PPM1D: variants seen among roughly 807,000 people sequenced by gnomAD.
The protein encoded by PPM1D is protein phosphatase, Mg2+/Mn2+ dependent 1D.
Under a neutral mutation model 58.3 loss-of-function variants are expected in PPM1D, and 52 were observed. That is an observed-to-expected ratio of 0.89 (90% CI 0.71 to 1.12). PPM1D has a LOEUF of 1.12. Among genes scored for constraint, PPM1D ranks in the 50% most tolerant of loss-of-function variants. The pLI is 0.00. For missense variants in PPM1D, 564 were observed against 777.2 expected (o/e 0.73, Z 3.26); for synonymous variants, 278 against 285.1 (o/e 0.98, Z 0.25).
Position 60,663,297 on chromosome 17 carries a change from G to A in PPM1D, c.1563G>A (p.Met521Ile), listed in dbSNP as rs774404279. 1.4e-5 allele frequency: 22 copies of A among 1,614,176 alleles called. No homozygotes were observed. The highest frequency in any genetic ancestry group is 1.9e-5 in the Non-Finnish European group (22 of 1,180,028). Residue 521 changes from methionine (M) to isoleucine (I), a missense_variant, in exon 6 of 6, where the codon ATG (methionine) becomes ATA (isoleucine). Met to Ile is a conservative substitution (Grantham distance 10). Coordinates refer to ENST00000305921, the MANE Select transcript of PPM1D (RefSeq NM_003620.4). ...TGAAGATGTCAACTCCTGGCCAAAT[G>A]AAAGCCCAAGAAATTGAAAGAACCC... ...KNLKMSTPGQ[M>I]KAQEIERTPP...
At chr17:60,645,492 G>GTATATATATA (rs1555647632) in intron 3 of PPM1D, among the ~76,000 whole-genome samples, 8 of 132,092 alleles carry the variant, frequency 6.1e-5, no homozygotes, top group African/African-American at 2.5e-4. Context: ...GTGTGTGTGT[G>GTATATATATA]TATGTGTATA....
At chr17:60,610,783 G>T (rs2030438329) in intron 1 of PPM1D, among the ~76,000 whole-genome samples, 2 of 152,178 alleles carry the variant, frequency 1.3e-5, no homozygotes, top group Non-Finnish European at 2.9e-5. Context: ...CCCTGCTCTA[G>T]TGTACTAGGG....
At chr17:60,652,324 T>C (rs2031358710) in intron 4 of PPM1D, among the ~76,000 whole-genome samples, 1 of 152,148 alleles carries the variant, frequency 6.6e-6, no homozygotes, top group African/African-American at 2.4e-5. Flanking sequence ...TTTCATTCTT[T>C]TCTATGGCCG....
chr17:60,653,926 G>GT (rs749886113), intron 4 of PPM1D, among the ~76,000 whole-genome samples: 34 of 152,074 alleles, frequency 2.2e-4, no homozygotes, highest in Non-Finnish European at 4.6e-4. Flanking sequence ...CAGTTTTTTG[G>GT]TGGCGTCTTT....
At chr17:60,636,489 A>G (rs954221627) in intron 3 of PPM1D, among the ~76,000 whole-genome samples, 2 of 152,188 alleles carry the variant, frequency 1.3e-5, no homozygotes, top group African/African-American at 4.8e-5. Flanking sequence ...TGTGTTAGAA[A>G]TGCTACCAAG....
intron 3 of PPM1D, among the ~76,000 whole-genome samples, chr17:60,645,652 A>G (rs1423433784): frequency 9.9e-5 from 14 of 140,750 alleles, no homozygotes; most frequent in Non-Finnish European, 2.0e-4. Context: ...GTGTGTATAT[A>G]TATATATACA....
chr17:60,622,640 AT>A (rs1039707233), intron 1 of PPM1D, among the ~76,000 whole-genome samples: 7 of 152,228 alleles, frequency 4.6e-5, no homozygotes, highest in African/African-American at 1.7e-4. Context: ...AAAATGAGGA[AT>A]AAGTAAATAA....
chr17:60,636,559 G>C (rs1398004398), intron 3 of PPM1D, among the ~76,000 whole-genome samples: 1 of 152,180 alleles, frequency 6.6e-6, no homozygotes, highest in Non-Finnish European at 1.5e-5. Context: ...AAATGGGATG[G>C]TCAGAGGAGG....
At chr17:60,602,955 C>T (rs1039253725) in intron 1 of PPM1D, among the ~76,000 whole-genome samples, 15 of 152,104 alleles carry the variant, frequency 9.9e-5, no homozygotes, top group African/African-American at 2.9e-4. Context: ...TCAGCCTCTC[C>T]AGTAAATTAT....
intron 1 of PPM1D, 49 bp downstream of exon 1, chr17:60,600,935 G>C (rs2030195693): frequency 6.2e-7 from 1 of 1,609,856 alleles, no homozygotes; most frequent in Non-Finnish European, 8.5e-7. Context: ...AGGCAGTTCA[G>C]GGCTTTTATG....
chr17:60,639,672 A>C (rs1448497370), intron 3 of PPM1D, among the ~76,000 whole-genome samples: 2 of 152,204 alleles, frequency 1.3e-5, no homozygotes, highest in African/African-American at 4.8e-5. Context: ...TCCTGACCTC[A>C]GGTGATCCGC....
At chr17:60,623,039 C>T (rs576112023) in intron 1 of PPM1D, among the ~76,000 whole-genome samples, 3 of 152,250 alleles carry the variant, frequency 2.0e-5, no homozygotes, top group East Asian at 1.9e-4. Context: ...AGAGGTTGCA[C>T]TCCAGCCTGG....
rs551626995 is a variant in PPM1D at position 60,645,125 on chromosome 17, G to T, written c.827-2767G>T. On this transcript the variant is annotated intron_variant, in intron 3 of 5. Coordinates refer to ENST00000305921, the MANE Select transcript of PPM1D (RefSeq NM_003620.4). ...TCCTAGCACTTTGGGAAGCCTAGGTGTACAGATCACCTGAGGTCAGGAGTT... is the reference window on the plus strand; with the variant it reads ...TCCTAGCACTTTGGGAAGCCTAGGTTTACAGATCACCTGAGGTCAGGAGTT... Among the ~76,000 whole-genome samples, 4 of 152,264 alleles carry T rather than the reference G, an allele frequency of 2.6e-5. No individual in the cohort carries two copies. In the South Asian group the frequency reaches 8.3e-4, roughly 32 times the overall value.
intron 2 of PPM1D, among the ~76,000 whole-genome samples, chr17:60,630,763 G>A (rs1056377054): frequency 2.0e-5 from 3 of 152,146 alleles, no homozygotes; most frequent in South Asian, 2.1e-4. Context: ...AGAGCTGCTC[G>A]TCTAGTTATG....
intron 5 of PPM1D, among the ~76,000 whole-genome samples, chr17:60,659,795 G>T (rs1488684647): frequency 6.6e-6 from 1 of 152,170 alleles, no homozygotes; most frequent in African/African-American, 2.4e-5. Context: ...CTAAACAGTT[G>T]CCTGTGCTAA....
At chr17:60,603,098 A>T (rs1213118785) in intron 1 of PPM1D, among the ~76,000 whole-genome samples, 1 of 152,174 alleles carries the variant, frequency 6.6e-6, no homozygotes, top group Non-Finnish European at 1.5e-5. Context: ...CTCAAACAAA[A>T]ATATATCCAT....
Position 60,647,971 on chromosome 17 carries a change from C to T in PPM1D, c.906C>T (p.Asp302=), listed in dbSNP as rs1448018728. 2.5e-6 allele frequency: 4 copies of T among 1,613,688 alleles called. No homozygotes were observed. The East Asian group carries it at 6.7e-5, about 27-fold the overall frequency. ...CAGACACAAGTGTCCACACTCTTGACCCTCAGAAGCACAAGTATATTATAT... is the reference window on the plus strand; with the variant it reads ...CAGACACAAGTGTCCACACTCTTGATCCTCAGAAGCACAAGTATATTATAT... ...PEPDTSVHTL[D]PQKHKYIILG... is the part of the protein sequence containing the mutation. The change falls in exon 4 of 6, where the codon GAC becomes GAT. Residue 302 remains aspartate, a synonymous_variant. Coordinates refer to ENST00000305921, the MANE Select transcript of PPM1D (RefSeq NM_003620.4).
chr17:60,647,893 T>C lies in PPM1D; in HGVS notation c.828T>C (p.Gly276=). The C allele has an allele frequency of 6.2e-7, 1 of 1,609,486 alleles. No homozygotes were observed. Among genetic ancestry groups the C allele is most frequent in the South Asian group, 1.1e-5 (1 of 90,698 alleles). The stretch of plus-strand genomic sequence containing the variant: ...GCTTTTTCTGCTCCCTTCCCCCAGG[T>C]GATTTGTGGAGCTATGATTTCTTCA... ...IPFLAVARAL[G]DLWSYDFFSG... The change falls in exon 4 of 6, where the codon GGT becomes GGC. Residue 276 remains glycine, a splice_region_variant and synonymous_variant. Coordinates refer to ENST00000305921, the MANE Select transcript of PPM1D (RefSeq NM_003620.4).
At chr17:60,655,861 C>T (rs1309755066) in intron 4 of PPM1D, among the ~76,000 whole-genome samples, 1 of 151,628 alleles carries the variant, frequency 6.6e-6, no homozygotes, top group African/African-American at 2.4e-5. Context: ...GCCGTCGCGC[C>T]CGGCTAATTT....
Sources: gnomAD v4.1 joint callset for allele counts (sites outside exome capture counted in the v4.1 genomes callset) on GRCh38, gnomAD v4.1.1 for gene constraint, MANE v1.5 for transcripts, NCBI Gene and HGNC (gene_info 2026-07-23, HGNC 2026-07-21) for gene names.